NUDC: variants seen among roughly 807,000 people sequenced by gnomAD.
The protein encoded by NUDC is nuclear migration protein nudC.
Under a neutral mutation model 45.0 loss-of-function variants are expected in NUDC, and 14 were observed. That is an observed-to-expected ratio of 0.31 (90% confidence interval 0.21 to 0.49). NUDC has a LOEUF of 0.49. Ranked by LOEUF, NUDC falls within the 20% of genes least tolerant of loss-of-function variation. The pLI, the probability that NUDC is intolerant of heterozygous loss-of-function variation, is 0.99. For missense variants in NUDC, 323 were observed against 426.2 expected (o/e 0.76, Z 2.13); for synonymous variants, 153 against 156.7 (o/e 0.98, Z 0.17).
intron 1 of NUDC, chr1:26,922,354 G>A (rs1200810927): frequency 4.0e-6 from 1 of 249,394 alleles, no homozygotes; most frequent in Non-Finnish European, 8.0e-6. Context: ...GTTAGGCCTT[G>A]AATGGGGGAA....
At chr1:26,945,523 G>C (rs755410694) in intron 7 of NUDC, 45 bp from the exon 8 acceptor site, 1 of 1,611,222 alleles carries the variant, frequency 6.2e-7, no homozygotes, top group Non-Finnish European at 8.5e-7. Flanking sequence ...GAGGGGCCTC[G>C]TTGTTTCCAG....
At chr1:26,939,900 A>G (rs1019294744) in intron 2 of NUDC, among the ~76,000 whole-genome samples, 2 of 152,188 alleles carry the variant, frequency 1.3e-5, no homozygotes, top group South Asian at 2.1e-4. Context: ...GTCATACTCA[A>G]TCCTCATGAC....
intron 3 of NUDC, among the ~76,000 whole-genome samples, chr1:26,916,641 A>C (rs1274958611): frequency 6.6e-6 from 1 of 152,110 alleles, no homozygotes; most frequent in African/African-American, 2.4e-5. Context: ...GAAAGCATGA[A>C]GTAGGCACTA....
chr1:26,941,161 C>A (rs1439862298), intron 2 of NUDC, among the ~76,000 whole-genome samples: 1 of 143,868 alleles, frequency 7.0e-6, no homozygotes, highest in Non-Finnish European at 1.5e-5. Flanking sequence ...ATGGTCTTGA[C>A]CTTGTGATCC....
intron 2 of NUDC, among the ~76,000 whole-genome samples, chr1:26,909,848 T>A (rs1423939473): frequency 6.6e-6 from 1 of 152,110 alleles, no homozygotes; most frequent in Non-Finnish European, 1.5e-5. Flanking sequence ...GGGCTTGTTC[T>A]GGGCCCTGAA....
intron 2 of NUDC, among the ~76,000 whole-genome samples, chr1:26,938,843 A>G (rs1305459676): frequency 1.3e-5 from 2 of 152,186 alleles, no homozygotes; most frequent in African/African-American, 4.8e-5. Flanking sequence ...GCACATGCAC[A>G]CTGTGTATGG....
chr1:26,921,720 G>C (rs1211109002), upstream of NUDC: 1 of 998,684 alleles, frequency 1.0e-6, no homozygotes, highest in Non-Finnish European at 1.5e-6. Context: ...GCAGCCGCGC[G>C]CGTGCGTGTT....
intron 2 of NUDC, among the ~76,000 whole-genome samples, chr1:26,940,290 A>G (rs2082266187): frequency 2.0e-5 from 3 of 152,066 alleles, no homozygotes; most frequent in Admixed American, 2.0e-4. Flanking sequence ...CAGCCTGACC[A>G]ACATGGAGAA....
At chr1:26,904,339 T>G (rs1207857200) in intron 2 of NUDC, among the ~76,000 whole-genome samples, 2 of 151,836 alleles carry the variant, frequency 1.3e-5, no homozygotes, top group Non-Finnish European at 2.9e-5. Flanking sequence ...CCAGCTAATT[T>G]TTGTATTTTT....
intron 3 of NUDC, chr1:26,911,870 A>T: frequency 1.2e-6 from 2 of 1,614,212 alleles, no homozygotes; most frequent in Non-Finnish European, 1.7e-6. Flanking sequence ...CATGTCCCCA[A>T]GAAGGCCAGC....
At chr1:26,904,024 A>T (rs944702183) in intron 2 of NUDC, among the ~76,000 whole-genome samples, 31 of 127,454 alleles carry the variant, frequency 2.4e-4, no homozygotes, top group African/African-American at 1.0e-3. Flanking sequence ...ATAAATAAAT[A>T]AATAAATAAA....
rs748060131 is a variant in NUDC, at chr1:26,941,686, C to T, written c.363+26C>T. 5.6e-6 allele frequency: 9 copies of T among 1,613,032 alleles called. No homozygotes were observed. In the South Asian group the frequency reaches 8.8e-5, roughly 16 times the overall value. On this transcript the variant is annotated intron_variant, in intron 3 of 8. Transcript: ENST00000321265. ...GTGAAGGGTGGGCTTCCCTTCTCCACCCCTCAGATCCCCCCTGGCACTGAG... is the reference window on the plus strand; with the variant it reads ...GTGAAGGGTGGGCTTCCCTTCTCCATCCCTCAGATCCCCCCTGGCACTGAG...
chr1:26,925,718 ATTTT>A (rs35681038), intron 2 of NUDC, among the ~76,000 whole-genome samples: 1 of 126,868 alleles, frequency 7.9e-6, no homozygotes, highest in African/African-American at 2.9e-5. Context: ...ATCATGAGGA[ATTTT>A]TTTTTTTTTT....
chr1:26,924,116 C>A lies in NUDC; in HGVS notation c.109C>A (p.Arg37=). 1 of 1,614,098 alleles carries A rather than the reference C, an allele frequency of 6.2e-7. No homozygotes were observed. Among genetic ancestry groups the A allele is most frequent in the Non-Finnish European group, 8.5e-7 (1 of 1,179,986 alleles). Residue 37 remains arginine (R), a synonymous_variant, in exon 2 of 9, where the codon CGA becomes AGA. Coordinates refer to ENST00000321265, the MANE Select transcript of NUDC (RefSeq NM_006600.4). ...ELVNTFFSFL[R]RKTDFFIGGE... ...TGTGAACACCTTCTTCAGCTTCCTTCGACGCAAAACAGACTTTTTCATTGG... is the reference window on the plus strand; with the variant it reads ...TGTGAACACCTTCTTCAGCTTCCTTAGACGCAAAACAGACTTTTTCATTGG...
At chr1:26,945,270 C>A in intron 6 of NUDC, 120 bp from the exon 7 acceptor site, 1 of 785,152 alleles carries the variant, frequency 1.3e-6, no homozygotes, top group East Asian at 2.6e-5. Context: ...CCAGTGTAGG[C>A]CTGCAAGGGT....
intron 2 of NUDC, among the ~76,000 whole-genome samples, chr1:26,925,296 T>C (rs1254167891): frequency 6.6e-6 from 1 of 151,166 alleles, no homozygotes; most frequent in African/African-American, 2.4e-5. Context: ...ATCCCAGCAC[T>C]TTGGGAGGCC....
At chr1:26,902,855 C>T (rs1399098917) in intron 2 of NUDC, among the ~76,000 whole-genome samples, 1 of 152,048 alleles carries the variant, frequency 6.6e-6, no homozygotes, top group African/African-American at 2.4e-5. Context: ...TCGAGACCAG[C>T]CTGGCCAACA....
chr1:26,924,116 C>T lies in NUDC; in HGVS notation c.109C>T (p.Arg37Ter), dbSNP rs755690181. The change falls in exon 2 of 9, where the codon CGA becomes TGA. Residue 37 changes from arginine to a stop codon, truncating the protein, a stop_gained. Coordinates refer to ENST00000321265, the MANE Select transcript of NUDC (RefSeq NM_006600.4). LOFTEE classifies it high-confidence loss of function. Reference protein sequence around the residue: ...ELVNTFFSFLRRKTDFFIGGE... With the variant: ...ELVNTFFSFL Reference sequence around the variant, plus strand: ...TGTGAACACCTTCTTCAGCTTCCTTCGACGCAAAACAGACTTTTTCATTGG... The same window carrying T: ...TGTGAACACCTTCTTCAGCTTCCTTTGACGCAAAACAGACTTTTTCATTGG... 5.0e-6 allele frequency: 8 copies of T among 1,614,098 alleles called. No individual in the cohort carries two copies. The highest frequency in any genetic ancestry group is 6.8e-6 in the Non-Finnish European group (8 of 1,179,986).
At chr1:26,928,894 G>T (rs1050105360) in intron 2 of NUDC, among the ~76,000 whole-genome samples, 1 of 152,124 alleles carries the variant, frequency 6.6e-6, no homozygotes, top group Non-Finnish European at 1.5e-5. Context: ...TACAACTATC[G>T]TATGTTCTAG....
Sources: allele counts gnomAD v4.1 joint callset (sites outside exome capture counted in the v4.1 genomes callset), GRCh38; gene constraint gnomAD v4.1.1; transcripts MANE v1.5; gene names NCBI Gene and HGNC (gene_info 2026-07-23, HGNC 2026-07-21).